DENND2A: variants seen among roughly 807,000 people sequenced by gnomAD.
DENND2A encodes the protein DENN domain containing 2A.
DENND2A carries 53 observed loss-of-function variants against 105.3 expected under a neutral mutation model. The ratio of observed to expected loss-of-function variants is 0.50; its 90% CI spans 0.40 to 0.63. The LOEUF (loss-of-function observed/expected upper bound fraction) is 0.63. DENND2A is among the 30% of genes least tolerant of loss of function. The pLI is 0.00. For synonymous variants in DENND2A, 522 were observed against 508.4 expected (o/e 1.03, Z -0.36); for missense variants, 1,138 against 1,279.6 (o/e 0.89, Z 1.69).
chr7:140,539,273 T>C (rs1474385243), intron 14 of DENND2A, among the ~76,000 whole-genome samples: 1 of 152,204 alleles, frequency 6.6e-6, no homozygotes, highest in East Asian at 1.9e-4. Flanking sequence ...ATACGGATTC[T>C]TCCACCTGGC....
chr7:140,570,677 T>C (rs1798056961), intron 6 of DENND2A, among the ~76,000 whole-genome samples: 1 of 152,196 alleles, frequency 6.6e-6, no homozygotes, highest in South Asian at 2.1e-4. Flanking sequence ...ATGGATACCC[T>C]GGTGTGGGAC....
intron 9 of DENND2A, among the ~76,000 whole-genome samples, chr7:140,566,635 C>T (rs950297969): frequency 4.7e-5 from 7 of 149,684 alleles, no homozygotes; most frequent in East Asian, 1.9e-4. Flanking sequence ...GAGGATGGCA[C>T]GGTCAGCACA....
intron 1 of DENND2A, among the ~76,000 whole-genome samples, chr7:140,608,652 G>C (rs1325856767): frequency 1.3e-5 from 2 of 150,294 alleles, no homozygotes; most frequent in African/African-American, 4.9e-5. Flanking sequence ...CTCCAGCCCA[G>C]GTGACACAGT....
chr7:140,528,279 T>C (rs1441954253), intron 14 of DENND2A, among the ~76,000 whole-genome samples: 2 of 152,224 alleles, frequency 1.3e-5, no homozygotes, highest in Non-Finnish European at 2.9e-5. Context: ...ATGCTTTCTA[T>C]TGAAACACTG....
intron 1 of DENND2A, among the ~76,000 whole-genome samples, chr7:140,611,290 G>A (rs1207165002): frequency 2.0e-5 from 3 of 152,154 alleles, no homozygotes; most frequent in African/African-American, 7.2e-5. Flanking sequence ...TCAGCACTTT[G>A]GGAGGCTGAG....
At chr7:140,600,210 G>T (rs538303382) in intron 3 of DENND2A, among the ~76,000 whole-genome samples, 1 of 151,894 alleles carries the variant, frequency 6.6e-6, no homozygotes, top group South Asian at 2.1e-4. Flanking sequence ...AAGTATAAAT[G>T]ATAAGACAAC....
chr7:140,538,272 C>T (rs1796515804), intron 14 of DENND2A, among the ~76,000 whole-genome samples: 1 of 152,062 alleles, frequency 6.6e-6, no homozygotes, highest in African/African-American at 2.4e-5. Context: ...CTAGAGTGGG[C>T]GAAGGTCCTC....
chr7:140,561,886 T>C (rs954875207), intron 9 of DENND2A, among the ~76,000 whole-genome samples: 3 of 151,710 alleles, frequency 2.0e-5, no homozygotes, highest in African/African-American at 7.3e-5. Context: ...GAGATCCACT[T>C]TATTTATTTA....
intron 1 of DENND2A, among the ~76,000 whole-genome samples, chr7:140,606,771 G>C (rs1449459150): frequency 3.9e-5 from 6 of 152,140 alleles, no homozygotes; most frequent in Non-Finnish European, 7.4e-5. Flanking sequence ...AAATAGCAAG[G>C]CCTGTGTGGA....
Position 140,523,222 on chromosome 7 carries a change from T to C in DENND2A, c.2665+85A>G. On this transcript the variant is annotated intron_variant, in intron 17 of 19. Coordinates refer to ENST00000496613, the MANE Select transcript of DENND2A (RefSeq NM_015689.5). This position sits in a 1 kb window ranked among gnomAD's most constrained non-coding sequence, Gnocchi z 4.5. Reference sequence around the variant, plus strand: ...CTTATGTCTCCCTTGCCCATATTCCTACTTGGCCCTTGGCCACTGCCCATT... The same window carrying C: ...CTTATGTCTCCCTTGCCCATATTCCCACTTGGCCCTTGGCCACTGCCCATT... The C allele has an allele frequency of 1.6e-6, 2 of 1,259,130 alleles. No homozygotes were observed. The highest frequency in any genetic ancestry group is 2.3e-6 in the Non-Finnish European group (2 of 859,854). 78.0% of individuals were successfully genotyped at this position (1,259,130 alleles called of 1,614,324 possible). A position where few individuals can be genotyped will look rare whatever the true frequency, so the allele number is the denominator to read the frequency against.
At chr7:140,525,713 G>A in intron 16 of DENND2A, 38 bp downstream of exon 16, 1 of 1,580,648 alleles carries the variant, frequency 6.3e-7, no homozygotes, top group Non-Finnish European at 8.6e-7. Flanking sequence ...AATAGGTAAA[G>A]ACAAAGGGAG....
In DENND2A at chr7:140,602,069, C is replaced by T; in HGVS notation, c.329G>A (p.Arg110Lys). ...CCCGACGTTCACTGCTCCTTTATTC[C>T]TCTCCTTCTCTGTGCTCTCTGTTCC... is the stretch of plus-strand genomic sequence containing the variant. ...RPGTESTEKE[R>K]NKGAVNVGGQ... Residue 110 changes from arginine (R) to lysine (K), a missense_variant, in exon 3 of 20, where the codon AGG (arginine) becomes AAG (lysine). Around this residue, in one of 2 missense-constraint regions of DENND2A, gnomAD observed 511 missense variants for 499.9 expected, o/e 1.02. Coordinates refer to ENST00000496613, the MANE Select transcript of DENND2A (RefSeq NM_015689.5). 3 of 1,614,162 alleles carry T rather than the reference C, an allele frequency of 1.9e-6. No individual in the cohort carries two copies. The highest frequency in any genetic ancestry group is 2.5e-6 in the Non-Finnish European group (3 of 1,180,030).
intron 11 of DENND2A, 33 bp from the exon 12 acceptor site, chr7:140,555,746 T>C: frequency 1.9e-6 from 3 of 1,557,984 alleles, no homozygotes; most frequent in Non-Finnish European, 2.6e-6. Context: ...GAATTATGAG[T>C]GTTGACAACC....
intron 3 of DENND2A, among the ~76,000 whole-genome samples, chr7:140,595,672 G>A (rs1321383982): frequency 5.3e-5 from 8 of 152,064 alleles, no homozygotes; most frequent in African/African-American, 1.9e-4. Flanking sequence ...CGGAGGCGGA[G>A]GCAGGAGAAT....
chr7:140,548,896 C>T lies in DENND2A; in HGVS notation c.2038-1957G>A, dbSNP rs1022417983. 3.3e-5 allele frequency among the ~76,000 whole-genome samples: 5 copies of T among 152,004 alleles called. No homozygotes were observed. The South Asian group carries it at 6.2e-4, about 19-fold the overall frequency. On this transcript the variant is annotated intron_variant, in intron 12 of 19. Transcript: ENST00000496613. Reference sequence around the variant, plus strand: ...CCAGTGTTGGGATTACAGGCATGAGCCACTGTGCTGGCCCAGATGTATTGT... The same window carrying T: ...CCAGTGTTGGGATTACAGGCATGAGTCACTGTGCTGGCCCAGATGTATTGT...
chr7:140,621,466 A>G (rs751197879), intron 1 of DENND2A, among the ~76,000 whole-genome samples: 4 of 148,466 alleles, frequency 2.7e-5, no homozygotes, highest in Non-Finnish European at 6.1e-5. Context: ...GTACATGTTC[A>G]GTACAAATGC....
chr7:140,580,294 T>TATGTATGCATGTATGTATGC (rs1395983413), intron 5 of DENND2A, among the ~76,000 whole-genome samples: 2 of 149,960 alleles, frequency 1.3e-5, no homozygotes, highest in African/African-American at 2.5e-5. Flanking sequence ...GAAAGGCATG[T>TATGTATGCATGTATGTATGC]ATGTATGCAT....
At chr7:140,578,208 G>T (rs1249012912) in intron 5 of DENND2A, among the ~76,000 whole-genome samples, 2 of 152,192 alleles carry the variant, frequency 1.3e-5, no homozygotes, top group African/African-American at 4.8e-5. Context: ...CAGGAGAGTG[G>T]CCAGGGGACA....
At chr7:140,634,043 G>C (rs1037576608) in intron 1 of DENND2A, among the ~76,000 whole-genome samples, 1 of 149,914 alleles carries the variant, frequency 6.7e-6, no homozygotes, top group African/African-American at 2.5e-5. Flanking sequence ...CTGTCACCCA[G>C]GATGGAGTGC....
Sources: gnomAD v4.1 joint callset for allele counts (sites outside exome capture counted in the v4.1 genomes callset) on GRCh38, gnomAD v4.1.1 for gene constraint, gnomAD v4.1.1 regional missense constraint, Gnocchi (gnomAD v3.1) non-coding constraint, MANE v1.5 for transcripts, NCBI Gene and HGNC (gene_info 2026-07-23, HGNC 2026-07-21) for gene names.